The following BCAR1 variants were observed in gnomAD, a reference collection of about 807,000 sequenced individuals.
The protein encoded by BCAR1 is breast cancer anti-estrogen resistance protein 1.
In BCAR1, 30 loss-of-function variants were observed where a neutral mutation model predicts 67.6. The ratio of observed to expected loss-of-function variants is 0.44; its 90% CI spans 0.33 to 0.60. The LOEUF is 0.60. BCAR1 is among the 20% of genes least tolerant of loss of function. The probability of loss-of-function intolerance (pLI) is 0.02; values close to 1 mark genes in which losing one functional copy is unlikely to be tolerated. For synonymous variants in BCAR1, 626 were observed against 556.7 expected (o/e 1.12, Z -1.75); for missense variants, 1,313 against 1,222.3 (o/e 1.07, Z -1.11).
chr16:75,232,591 T>A (rs1440766798), intron 6 of BCAR1, among the ~76,000 whole-genome samples: 1 of 152,210 alleles, frequency 6.6e-6, no homozygotes, highest in Non-Finnish European at 1.5e-5. Flanking sequence ...ATTTATTCTT[T>A]TCTTGGGTGT....
chr16:75,250,499 C>G (rs541012465), intron 1 of BCAR1, among the ~76,000 whole-genome samples: 14 of 152,270 alleles, frequency 9.2e-5, no homozygotes, highest in South Asian at 2.1e-4. Context: ...CGGCGGGCCC[C>G]GGGAGGGGTG....
chr16:75,242,516 G>T lies in BCAR1; in HGVS notation c.587C>A (p.Pro196Gln). The T allele has an allele frequency of 6.8e-7, 1 of 1,476,580 alleles. No homozygotes were observed. Among genetic ancestry groups the T allele is most frequent in the Non-Finnish European group, 9.0e-7 (1 of 1,114,588 alleles). The allele number at this position is 1,476,580 out of a possible 1,614,324, so 91.5% of individuals were successfully genotyped here. The change falls in exon 2 of 7, where the codon CCG (proline) becomes CAG (glutamine). Residue 196 changes from proline (P) to glutamine (Q), a missense_variant. This residue lies in a region of BCAR1 where 1,272 missense variants were observed against 1,137.5 expected (regional missense o/e 1.12). Coordinates refer to ENST00000162330, the MANE Select transcript of BCAR1 (RefSeq NM_014567.5). ...GMGHDIYQVP[P>Q]SMDTRSWEGT... ...CTCCCAGCTGCGTGTGTCCATGGACGGGGGGACCTGGTAGATGTCATGCCC... is the reference window on the plus strand; with the variant it reads ...CTCCCAGCTGCGTGTGTCCATGGACTGGGGGACCTGGTAGATGTCATGCCC...
At chr16:75,260,987 T>C (rs1437613742) in intron 1 of BCAR1, among the ~76,000 whole-genome samples, 1 of 152,206 alleles carries the variant, frequency 6.6e-6, no homozygotes, top group African/African-American at 2.4e-5. Flanking sequence ...TCTTGGAATT[T>C]GGTAGGGCTT....
Position 75,229,454 on chromosome 16 carries a change from G to A in BCAR1, c.*57C>T. 2 of 1,460,266 alleles carry A rather than the reference G, an allele frequency of 1.4e-6. No individual in the cohort carries two copies. The highest frequency in any genetic ancestry group is 1.8e-6 in the Non-Finnish European group (2 of 1,106,320). 90.5% of individuals were successfully genotyped at this position (1,460,266 alleles called of 1,614,324 possible). A position where few individuals can be genotyped will look rare whatever the true frequency, so the allele number is the denominator to read the frequency against. The stretch of plus-strand genomic sequence containing the variant: ...TGGCACAGCGACTCTTGACATGGGA[G>A]CCAGGGAGCTGGGACCGCCGCACCC... On this transcript the variant is annotated 3_prime_UTR_variant, in exon 7 of 7. Transcript: ENST00000162330.
At position 75,229,964 on chromosome 16, in the gene BCAR1, G is replaced by A. The variant is rs1319380601; in HGVS notation, c.2160C>T (p.Ala720=). 2 of 1,592,990 alleles carry A rather than the reference G, an allele frequency of 1.3e-6. No individual in the cohort carries two copies. The highest frequency in any genetic ancestry group is 1.7e-5 in the Admixed American group (1 of 58,696). ...CCAGGGGTTGGGCTGGCGTCCAGTTGGCCAGGTCGTGGTCTATGGGCCGTG... is the reference window on the plus strand; with the variant it reads ...CCAGGGGTTGGGCTGGCGTCCAGTTAGCCAGGTCGTGGTCTATGGGCCGTG... ...EVSRPIDHDL[A]NWTPAQPLAP... Residue 720 remains alanine (A), a synonymous_variant, in exon 7 of 7, where the codon GCC becomes GCT. Coordinates refer to ENST00000162330, the MANE Select transcript of BCAR1 (RefSeq NM_014567.5).
upstream of BCAR1, among the ~76,000 whole-genome samples, chr16:75,254,098 G>A (rs184592661): frequency 3.2e-4 from 48 of 152,080 alleles, no homozygotes; most frequent in African/African-American, 1.1e-3. Context: ...ACTGCACCCA[G>A]CCTAGCCCCA....
intron 2 of BCAR1, among the ~76,000 whole-genome samples, chr16:75,240,503 T>G (rs2077302213): frequency 1.3e-5 from 2 of 152,250 alleles, no homozygotes; most frequent in Admixed American, 1.3e-4. Context: ...TATCTAATGT[T>G]GGATTTACAA....
chr16:75,236,247 G>A (rs1368379893), intron 4 of BCAR1: 2 of 533,094 alleles, frequency 3.8e-6, no homozygotes, highest in Non-Finnish European at 3.3e-6. Flanking sequence ...CGGCTCTGGA[G>A]CCAGGTGACC....
intron 6 of BCAR1, among the ~76,000 whole-genome samples, chr16:75,230,992 G>C (rs766221541): frequency 6.6e-6 from 1 of 151,838 alleles, no homozygotes; most frequent in Non-Finnish European, 1.5e-5. Context: ...CCAGGCTGCA[G>C]TGAGCCCTGA....
intron 1 of BCAR1, 142 bp downstream of exon 1, chr16:75,251,329 G>A: frequency 2.5e-6 from 3 of 1,196,634 alleles, no homozygotes; most frequent in South Asian, 1.6e-5. Flanking sequence ...GGCCAGGGCA[G>A]AAGGAGATCC....
At chr16:75,267,947 G>T in exon 1 of BCAR1, 1 of 1,603,846 alleles carries the variant, frequency 6.2e-7, no homozygotes. Context: ...GTGGGCCTGG[G>T]GGCAGCCAGA....
chr16:75,241,586 G>A (rs191287370), intron 2 of BCAR1, among the ~76,000 whole-genome samples: 1 of 152,358 alleles, frequency 6.6e-6, no homozygotes, highest in East Asian at 1.9e-4. Flanking sequence ...GGAAGTGGGA[G>A]CCAGTGACCC....
chr16:75,265,742 G>A, intron 1 of BCAR1: 1 of 1,189,166 alleles, frequency 8.4e-7, no homozygotes, highest in Non-Finnish European at 1.0e-6. Context: ...AGCCAACGCG[G>A]CATCAGGCCC....
chr16:75,238,506 C>G, intron 2 of BCAR1: 1 of 995,188 alleles, frequency 1.0e-6, no homozygotes, highest in Non-Finnish European at 1.2e-6. Flanking sequence ...GGCAGCCAGC[C>G]CTGCTTGCTG....
chr16:75,247,956 TAAG>T (rs1240623780), intron 1 of BCAR1: 1 of 824,790 alleles, frequency 1.2e-6, no homozygotes, highest in South Asian at 1.4e-5. Context: ...TTCACAATAA[TAAG>T]AACAGCACAG....
upstream of BCAR1, chr16:75,252,369 G>T (rs1030785982): frequency 1.8e-5 from 28 of 1,518,696 alleles, no homozygotes; most frequent in Non-Finnish European, 1.7e-5. Context: ...CAACTCATCT[G>T]CTTCAGCGAC....
intron 1 of BCAR1, among the ~76,000 whole-genome samples, chr16:75,257,164 G>T (rs1235482503): frequency 3.3e-5 from 5 of 152,210 alleles, no homozygotes; most frequent in Non-Finnish European, 7.4e-5. Context: ...ATGAGGGTGT[G>T]GTCAGGAGGC....
At chr16:75,234,744 G>T in intron 5 of BCAR1, 145 bp downstream of exon 5, 1 of 1,271,558 alleles carries the variant, frequency 7.9e-7, no homozygotes, top group Non-Finnish European at 1.1e-6. Context: ...AGCACATGGG[G>T]CCAATGTGGG....
intron 5 of BCAR1, 81 bp downstream of exon 5, chr16:75,234,808 C>T: frequency 6.7e-7 from 1 of 1,501,036 alleles, no homozygotes; most frequent in Non-Finnish European, 8.9e-7. Context: ...GGACCAGGCC[C>T]CAGCTGAGAA....
Sources: gnomAD v4.1 joint callset for allele counts (sites outside exome capture counted in the v4.1 genomes callset) on GRCh38, gnomAD v4.1.1 for gene constraint, gnomAD v4.1.1 regional missense constraint, MANE v1.5 for transcripts, NCBI Gene and HGNC (gene_info 2026-07-23, HGNC 2026-07-21) for gene names.